MEMO1: variants seen among roughly 807,000 people sequenced by gnomAD.
MEMO1 encodes the protein mediator of cell motility 1.
A neutral mutation model predicts 45.2 loss-of-function variants in MEMO1; 6 were observed. The observed-to-expected ratio is 0.13, with a 90% CI of 0.07 to 0.26. The LOEUF is 0.26. Ranked by LOEUF, MEMO1 falls within the 10% of genes least tolerant of loss-of-function variation. The probability of loss-of-function intolerance (pLI) is 1.00; values close to 1 mark genes in which losing one functional copy is unlikely to be tolerated. For missense variants in MEMO1, 184 were observed against 370.5 expected (o/e 0.50, Z 4.13); for synonymous variants, 78 against 124.3 (o/e 0.63, Z 2.48).
At chr2:31,923,547 T>C (rs751097898) in intron 4 of MEMO1, 233 of 1,316,362 alleles carry the variant, frequency 1.8e-4, no homozygotes, top group Non-Finnish European at 2.2e-4. Context: ...AACATGACAC[T>C]TTGTTTTAAA....
intron 2 of MEMO1, among the ~76,000 whole-genome samples, chr2:32,008,499 G>T (rs1417113193): frequency 6.6e-6 from 1 of 152,100 alleles, no homozygotes; most frequent in African/African-American, 2.4e-5. Flanking sequence ...CAGGAGAATC[G>T]CTTGAACCCA....
intron 4 of MEMO1, among the ~76,000 whole-genome samples, chr2:31,921,669 T>C (rs967827758): frequency 6.6e-6 from 1 of 152,184 alleles, no homozygotes; most frequent in African/African-American, 2.4e-5. Flanking sequence ...AAATGCATAA[T>C]AGCATAAAAT....
At position 31,939,132 on chromosome 2, in the gene MEMO1, TGGAA is replaced by T. The variant is rs1176129577; in HGVS notation, c.143+4166_143+4169del. On this transcript the variant is annotated intron_variant, in intron 3 of 9. Transcript: ENST00000404530. ...CTCAAAAAAAAAAAAAAGATAGCCT[TGGAA>T]AGGAAAATAATTACTTCTGGAAACC... Among the ~76,000 whole-genome samples the T allele has an allele frequency of 1.3e-4, 20 of 151,630 alleles. 1 individual carries two copies. The highest frequency in any genetic ancestry group is 2.1e-4 in the Non-Finnish European group (14 of 67,922).
intron 2 of MEMO1, among the ~76,000 whole-genome samples, chr2:31,995,941 T>C (rs983765480): frequency 6.6e-6 from 1 of 152,108 alleles, no homozygotes; most frequent in Non-Finnish European, 1.5e-5. Context: ...CCAGAAGCTA[T>C]GCTAAGCCAA....
intron 2 of MEMO1, among the ~76,000 whole-genome samples, chr2:31,979,054 T>C (rs1670339763): frequency 6.7e-6 from 1 of 149,266 alleles, no homozygotes; most frequent in Non-Finnish European, 1.5e-5. Flanking sequence ...TTTAATTGAC[T>C]CACAGGTCCA....
At chr2:31,889,805 G>A (rs1251149246) in intron 7 of MEMO1, among the ~76,000 whole-genome samples, 7 of 151,990 alleles carry the variant, frequency 4.6e-5, no homozygotes, top group Admixed American at 3.3e-4. Flanking sequence ...TAATGATGAT[G>A]ATACTAAAAA....
chr2:31,932,205 T>C, intron 3 of MEMO1, 70 bp from the exon 4 acceptor site: 1 of 1,324,832 alleles, frequency 7.5e-7, no homozygotes, highest in Non-Finnish European at 1.1e-6. Flanking sequence ...AGAAAAACCT[T>C]GAAATAAATA....
chr2:31,941,080 G>A (rs1665560991), intron 3 of MEMO1, among the ~76,000 whole-genome samples: 1 of 152,142 alleles, frequency 6.6e-6, no homozygotes, highest in Admixed American at 6.5e-5. Context: ...TCATTCTACT[G>A]CTCAAAACTT....
At chr2:31,995,125 T>C (rs1441783393) in intron 2 of MEMO1, among the ~76,000 whole-genome samples, 6 of 152,042 alleles carry the variant, frequency 3.9e-5, no homozygotes, top group African/African-American at 1.2e-4. Context: ...ATATTCAATA[T>C]GCCCAAAAAT....
intron 7 of MEMO1, among the ~76,000 whole-genome samples, chr2:31,887,316 T>C (rs1676327111): frequency 1.3e-5 from 2 of 152,312 alleles, no homozygotes; most frequent in East Asian, 1.9e-4. Context: ...CATTAAGCTA[T>C]GCACTGAACT....
chr2:31,980,878 C>T (rs889683445), intron 2 of MEMO1, among the ~76,000 whole-genome samples: 1 of 152,134 alleles, frequency 6.6e-6, no homozygotes, highest in Non-Finnish European at 1.5e-5. Flanking sequence ...ATCACAGGAC[C>T]CTTCCATCTA....
chr2:31,988,601 T>A (rs1005042546), intron 2 of MEMO1, among the ~76,000 whole-genome samples: 1 of 152,206 alleles, frequency 6.6e-6, no homozygotes, highest in Non-Finnish European at 1.5e-5. Flanking sequence ...TGTTGTCTCA[T>A]TAGCAGTAGC....
chr2:31,876,649 C>T (rs1303537129), intron 8 of MEMO1, among the ~76,000 whole-genome samples: 1 of 152,144 alleles, frequency 6.6e-6, no homozygotes, highest in African/African-American at 2.4e-5. Flanking sequence ...CAACAGCAAA[C>T]ATAACATATC....
chr2:31,989,189 T>C (rs910240206), intron 2 of MEMO1, among the ~76,000 whole-genome samples: 47 of 150,370 alleles, frequency 3.1e-4, no homozygotes, highest in Admixed American at 2.7e-3. Context: ...GATCGCGCCA[T>C]TGCACTCCAG....
At chr2:31,904,265 C>G (rs1679327766) in intron 6 of MEMO1, among the ~76,000 whole-genome samples, 1 of 152,174 alleles carries the variant, frequency 6.6e-6, no homozygotes, top group African/African-American at 2.4e-5. Context: ...GGCTGTTTTA[C>G]CCACTTGGGA....
chr2:31,974,079 G>A (rs1261420788), intron 2 of MEMO1, among the ~76,000 whole-genome samples: 1 of 152,098 alleles, frequency 6.6e-6, no homozygotes, highest in African/African-American at 2.4e-5. Flanking sequence ...ACTGCTAATT[G>A]TTTCTCGCTC....
chr2:31,900,587 G>T (rs1678637422), intron 6 of MEMO1, among the ~76,000 whole-genome samples: 1 of 152,022 alleles, frequency 6.6e-6, no homozygotes, highest in Non-Finnish European at 1.5e-5. Context: ...TGTAGATGAT[G>T]GGCTGATGGG....
At chr2:32,010,738 GGCCGCCCGCC>G (rs1453656931) in intron 1 of MEMO1, among the ~76,000 whole-genome samples, 194 bp downstream of exon 1, 9 of 131,334 alleles carry the variant, frequency 6.9e-5, no homozygotes, top group Admixed American at 2.2e-4. Context: ...CCTCCAGCCC[GGCCGCCCGCC>G]GCCGGCCCCG....
chr2:31,948,299 A>T (rs1433053677), intron 2 of MEMO1, among the ~76,000 whole-genome samples: 1 of 152,232 alleles, frequency 6.6e-6, no homozygotes. Flanking sequence ...ACTATTCTAC[A>T]TATGTAATTT....
Sources: allele counts gnomAD v4.1 joint callset (sites outside exome capture counted in the v4.1 genomes callset), GRCh38; gene constraint gnomAD v4.1.1; transcripts MANE v1.5; gene names NCBI Gene and HGNC (gene_info 2026-07-23, HGNC 2026-07-21).